CCDC32: variants seen among roughly 807,000 people sequenced by gnomAD.
CCDC32 encodes the protein coiled-coil domain-containing protein 32.
CCDC32 carries 9 observed loss-of-function variants against 20.1 expected under a neutral mutation model. That is an observed-to-expected ratio of 0.45 (90% CI 0.27 to 0.78). The LOEUF (loss-of-function observed/expected upper bound fraction) is 0.78, where lower values mean the gene tolerates loss of function less well. Ranked by LOEUF, CCDC32 falls within the 30% of genes least tolerant of loss-of-function variation. The pLI is 0.16. For synonymous variants in CCDC32, 63 were observed against 79.0 expected (o/e 0.80, Z 1.07); for missense variants, 204 against 215.5 (o/e 0.95, Z 0.33).
downstream of CCDC32, among the ~76,000 whole-genome samples, chr15:40,552,342 G>C (rs181276495): frequency 6.6e-6 from 1 of 151,534 alleles, no homozygotes; most frequent in African/African-American, 2.4e-5. Context: ...TTAGCCGGGC[G>C]TGGTGGTGCA....
At chr15:40,549,553 A>G (rs1889756374), downstream of CCDC32, among the ~76,000 whole-genome samples, 4 of 152,124 alleles carry the variant, frequency 2.6e-5, 1 homozygote, top group South Asian at 6.2e-4. Flanking sequence ...TGTGCTTACA[A>G]CTTCCACAGA....
chr15:40,535,172 G>A, downstream of CCDC32: 6 of 1,183,352 alleles, frequency 5.1e-6, no homozygotes, highest in Non-Finnish European at 7.0e-6. Context: ...CGTGACGGTG[G>A]CATATAAGAT....
chr15:40,537,410 T>A (rs1405453501), downstream of CCDC32: 1 of 152,236 alleles, frequency 6.6e-6, no homozygotes. Context: ...AATGATGCAG[T>A]GCCTGTGTCC....
chr15:40,523,229 G>A, the CCDC32 span, among the ~76,000 whole-genome samples: 113 of 151,912 alleles, frequency 7.4e-4, 1 homozygote, highest in African/African-American at 2.7e-3. Context: ...TAAGCGCTGG[G>A]CGCGGTGGCT....
At chr15:40,524,340 T>C (rs867883644), downstream of CCDC32, among the ~76,000 whole-genome samples, 6 of 151,622 alleles carry the variant, frequency 4.0e-5, no homozygotes, top group Non-Finnish European at 8.8e-5. Context: ...GTATTTTTAG[T>C]AGAGACGGGG....
chr15:40,539,759 T>C (rs2141608989), intron 3 of CCDC32, among the ~76,000 whole-genome samples: 1 of 152,088 alleles, frequency 6.6e-6, no homozygotes, highest in African/African-American at 2.4e-5. Flanking sequence ...AGTTGATTTG[T>C]TGGCCAGGCT....
At chr15:40,528,711 C>A in exon 4 of CCDC32, 1 of 700,170 alleles carries the variant, frequency 1.4e-6, no homozygotes, top group Non-Finnish European at 2.6e-6. Flanking sequence ...AGGCCTTGTC[C>A]ACAAGCGAAT....
chr15:40,556,183 A>C (rs1485310469), intron 3 of CCDC32, among the ~76,000 whole-genome samples: 1 of 152,200 alleles, frequency 6.6e-6, no homozygotes, highest in Non-Finnish European at 1.5e-5. Context: ...GCAGGGCAGC[A>C]TGCCCTCTCT....
downstream of CCDC32, among the ~76,000 whole-genome samples, chr15:40,549,294 C>A (rs1462432343): frequency 6.6e-6 from 1 of 152,202 alleles, no homozygotes; most frequent in African/African-American, 2.4e-5. Context: ...TCTGTCCCTC[C>A]TTTGTTCTTT....
intron 3 of CCDC32, among the ~76,000 whole-genome samples, chr15:40,540,182 A>T (rs1889328209): frequency 6.6e-6 from 1 of 152,078 alleles, no homozygotes; most frequent in African/African-American, 2.4e-5. Context: ...GACTAGGGCA[A>T]TCCAGAGGAG....
At chr15:40,537,599 A>C (rs1317534070), downstream of CCDC32, 1 of 152,186 alleles carries the variant, frequency 6.6e-6, no homozygotes, top group East Asian at 1.9e-4. Context: ...AAAATACAGA[A>C]TGTTTATTTT....
intron 3 of CCDC32, chr15:40,528,903 C>T (rs558069484): frequency 3.2e-6 from 2 of 632,112 alleles, no homozygotes; most frequent in South Asian, 1.9e-5. Flanking sequence ...TGTCTAACCA[C>T]CTCTGGCTCC....
the CCDC32 span, among the ~76,000 whole-genome samples, chr15:40,521,585 C>A: frequency 6.6e-6 from 1 of 152,174 alleles, no homozygotes; most frequent in East Asian, 1.9e-4. Flanking sequence ...AGTGGATGCA[C>A]CACTGTACGT....
chr15:40,539,036 T>C, downstream of CCDC32: 1 of 581,552 alleles, frequency 1.7e-6, no homozygotes, highest in East Asian at 2.9e-5. Context: ...TAAAGCCCTG[T>C]CTCTCTCTTG....
chr15:40,524,146 CTTTTTTTTTTTTTTTT>C (rs66753325), downstream of CCDC32, among the ~76,000 whole-genome samples: 1 of 89,138 alleles, frequency 1.1e-5, no homozygotes, highest in Non-Finnish European at 2.1e-5. Flanking sequence ...CATGCATAAT[CTTTTTTTTTTTTTTTT>C]TTTTTTTTTT....
chr15:40,551,702 C>T (rs1261338824), downstream of CCDC32, among the ~76,000 whole-genome samples: 4 of 150,400 alleles, frequency 2.7e-5, no homozygotes, highest in Non-Finnish European at 5.9e-5. Context: ...CCCAGATACT[C>T]GGGAGCCTGA....
chr15:40,562,975 G>A lies in CCDC32; in HGVS notation c.41C>T (p.Ser14Phe). 1.2e-6 allele frequency: 2 copies of A among 1,614,250 alleles called. No individual in the cohort carries two copies. Among genetic ancestry groups the A allele is most frequent in the Non-Finnish European group, 1.7e-6 (2 of 1,180,050 alleles). ...AATTTCAGCCCAGAGATCCTGGCCAGATCTTGTGGCTGTAGAGTCAGCGCT... is the reference window on the plus strand; with the variant it reads ...AATTTCAGCCCAGAGATCCTGGCCAAATCTTGTGGCTGTAGAGTCAGCGCT... Reference protein sequence around the residue: ...FESADSTATRSGQDLWAEICS... With the variant: ...FESADSTATRFGQDLWAEICS... The change falls in exon 2 of 4, where the codon TCT (serine) becomes TTT (phenylalanine). Residue 14 changes from serine to phenylalanine, a missense_variant. Ser to Phe is a radical substitution (Grantham distance 155). Coordinates refer to ENST00000416810, the MANE Select transcript of CCDC32 (RefSeq NM_001080792.4).
chr15:40,539,470 G>A lies in CCDC32; in HGVS notation c.402-115C>T, dbSNP rs973886535. On this transcript the variant is annotated intron_variant, in intron 3 of 3. Transcript: ENST00000558113. ...TACATAGGAGCACCGAGAGTGCGAA[G>A]GTGCGAGGAAGTGAGGTGTCGACAC... 14 of 909,624 alleles carry A rather than the reference G, an allele frequency of 1.5e-5. 1 individual carries two copies. The highest frequency in any genetic ancestry group is 8.8e-5 in the Admixed American group (4 of 45,658). The allele number at this position is 909,624 out of a possible 1,614,324, so 56.3% of individuals were successfully genotyped here.
At chr15:40,527,038 C>T (rs1894907893), downstream of CCDC32, among the ~76,000 whole-genome samples, 1 of 152,184 alleles carries the variant, frequency 6.6e-6, no homozygotes, top group South Asian at 2.1e-4. Flanking sequence ...GCAACCTCTG[C>T]CTCCCAGGTT....
Sources: gnomAD v4.1 joint callset for allele counts (sites outside exome capture counted in the v4.1 genomes callset) on GRCh38, gnomAD v4.1.1 for gene constraint, MANE v1.5 for transcripts, NCBI Gene and HGNC (gene_info 2026-07-23, HGNC 2026-07-21) for gene names.